Variants in TUBGCP3 observed in about 807,000 individuals in gnomAD.
TUBGCP3 encodes tubulin gamma complex component 3, also known as gamma-tubulin complex component 3.
A neutral mutation model predicts 123.1 loss-of-function variants in TUBGCP3; 50 were observed. The ratio of observed to expected loss-of-function variants is 0.41; its 90% CI spans 0.32 to 0.51. The LOEUF (loss-of-function observed/expected upper bound fraction) is 0.51. TUBGCP3 is among the 20% of genes least tolerant of loss of function. The pLI, the probability that TUBGCP3 is intolerant of heterozygous loss-of-function variation, is 0.36. For synonymous variants in TUBGCP3, 405 were observed against 413.9 expected (o/e 0.98, Z 0.26); for missense variants, 882 against 1,127.0 (o/e 0.78, Z 3.11).
intron 6 of TUBGCP3, among the ~76,000 whole-genome samples, chr13:112,555,307 G>T (rs1205398320): frequency 1.3e-5 from 2 of 152,154 alleles, no homozygotes; most frequent in East Asian, 1.9e-4. Flanking sequence ...GCAGATGGTG[G>T]AGACTACTGC....
At chr13:112,496,952 C>T (rs1216540659) in intron 20 of TUBGCP3, among the ~76,000 whole-genome samples, 1 of 149,878 alleles carries the variant, frequency 6.7e-6, no homozygotes, top group Non-Finnish European at 1.5e-5. Context: ...CGCCACTGCA[C>T]TCCAGCCTGG....
intron 19 of TUBGCP3, among the ~76,000 whole-genome samples, chr13:112,503,305 C>A (rs895350174): frequency 6.6e-6 from 1 of 152,190 alleles, no homozygotes; most frequent in African/African-American, 2.4e-5. Flanking sequence ...AGAACATGGA[C>A]CCTAAGGGAA....
At chr13:112,487,488 C>T (rs970532770) in intron 21 of TUBGCP3, among the ~76,000 whole-genome samples, 2 of 152,174 alleles carry the variant, frequency 1.3e-5, no homozygotes, top group African/African-American at 2.4e-5. Flanking sequence ...ACAAGAACAT[C>T]GTTGTCTCAG....
chr13:112,580,164 A>G (rs1882181356), intron 1 of TUBGCP3, among the ~76,000 whole-genome samples: 1 of 152,228 alleles, frequency 6.6e-6, no homozygotes, highest in South Asian at 2.1e-4. Context: ...GCCAGCACAA[A>G]GGCAAAATGG....
At chr13:112,582,536 G>C (rs1470105025) in intron 1 of TUBGCP3, among the ~76,000 whole-genome samples, 1 of 152,174 alleles carries the variant, frequency 6.6e-6, no homozygotes, top group Non-Finnish European at 1.5e-5. Context: ...CCAGAGAGGG[G>C]AACCCACAGG....
At chr13:112,490,204 CAAT>C (rs1026027374) in intron 20 of TUBGCP3, among the ~76,000 whole-genome samples, 1 of 152,178 alleles carries the variant, frequency 6.6e-6, no homozygotes, top group African/African-American at 2.4e-5. Flanking sequence ...CATTTTCAAT[CAAT>C]GATGAATTTG....
intron 21 of TUBGCP3, 69 bp downstream of exon 21, chr13:112,489,512 G>GA: frequency 8.8e-7 from 1 of 1,132,380 alleles, no homozygotes. Flanking sequence ...TCATCACTGT[G>GA]AAAGCAACTG....
At chr13:112,575,549 T>C (rs1011177698) in intron 1 of TUBGCP3, among the ~76,000 whole-genome samples, 1 of 152,090 alleles carries the variant, frequency 6.6e-6, no homozygotes, top group African/African-American at 2.4e-5. Flanking sequence ...AAAGGGCAAG[T>C]GAAGAGAAAA....
chr13:112,494,049 C>T (rs1018850262), intron 20 of TUBGCP3, among the ~76,000 whole-genome samples: 6 of 151,350 alleles, frequency 4.0e-5, no homozygotes, highest in Non-Finnish European at 8.8e-5. Context: ...GGGAATGGGG[C>T]CTGGTGTCCC....
At chr13:112,602,493 A>G in the TUBGCP3 span, among the ~76,000 whole-genome samples, 2 of 152,182 alleles carry the variant, frequency 1.3e-5, no homozygotes, top group African/African-American at 4.8e-5. Flanking sequence ...TTCCCTCGGC[A>G]CTGAGCATTG....
At chr13:112,594,255 A>G in the TUBGCP3 span, among the ~76,000 whole-genome samples, 2 of 152,278 alleles carry the variant, frequency 1.3e-5, no homozygotes, top group African/African-American at 4.8e-5. Flanking sequence ...TAACAAAGTG[A>G]TTGCAGATTA....
At chr13:112,514,979 A>C (rs7995624) in intron 17 of TUBGCP3, among the ~76,000 whole-genome samples, 3,899 of 152,276 alleles carry the variant, frequency 0.026, 197 homozygotes, top group African/African-American at 0.089. Flanking sequence ...TTCAATAGCG[A>C]GGGGGAAGGA....
chr13:112,557,545 C>T (rs1466068898), intron 5 of TUBGCP3, among the ~76,000 whole-genome samples: 1 of 152,154 alleles, frequency 6.6e-6, no homozygotes, highest in Non-Finnish European at 1.5e-5. Context: ...AAAAGCAAAG[C>T]CACCCGTTTA....
chr13:112,491,024 T>C (rs1880056924), intron 20 of TUBGCP3, among the ~76,000 whole-genome samples: 1 of 152,244 alleles, frequency 6.6e-6, no homozygotes, highest in Non-Finnish European at 1.5e-5. Context: ...TTGTTTTGTA[T>C]GTTTGTGCCT....
At chr13:112,521,808 C>T in intron 14 of TUBGCP3, 1 of 985,368 alleles carries the variant, frequency 1.0e-6, no homozygotes, top group Non-Finnish European at 1.2e-6. Flanking sequence ...TGTCTCTAGA[C>T]CTAGAAGCAC....
intron 14 of TUBGCP3, among the ~76,000 whole-genome samples, chr13:112,521,023 CA>C (rs1313914665): frequency 1.3e-5 from 2 of 152,186 alleles, no homozygotes; most frequent in African/African-American, 4.8e-5. Flanking sequence ...AGATTGGGCA[CA>C]AGGCGAATGC....
intron 13 of TUBGCP3, among the ~76,000 whole-genome samples, chr13:112,523,690 T>A (rs973005723): frequency 6.6e-6 from 1 of 152,214 alleles, no homozygotes; most frequent in Non-Finnish European, 1.5e-5. Flanking sequence ...AAGAGAAGGT[T>A]TGAATCAGTC....
chr13:112,563,664 C>A lies in TUBGCP3; in HGVS notation c.252+1447G>T, dbSNP rs1880701550. Among the ~76,000 whole-genome samples the A allele has an allele frequency of 2.0e-5, 3 of 150,738 alleles. No homozygotes were observed. The South Asian group carries it at 6.3e-4, about 32-fold the overall frequency. ...AGATCACGAAGTCAGGAGATCGAGACCATCCTGGCTAACACCGTGAAACCC... is the reference window on the plus strand; with the variant it reads ...AGATCACGAAGTCAGGAGATCGAGAACATCCTGGCTAACACCGTGAAACCC... On this transcript the variant is annotated intron_variant, in intron 3 of 21. Transcript: ENST00000261965.
chr13:112,517,260 G>T (rs994833074), intron 16 of TUBGCP3, among the ~76,000 whole-genome samples: 1 of 152,028 alleles, frequency 6.6e-6, no homozygotes, highest in African/African-American at 2.4e-5. Context: ...TCGAGTGATA[G>T]ATTTGCCTTT....
Sources: gnomAD v4.1 joint callset for allele counts (sites outside exome capture counted in the v4.1 genomes callset) on GRCh38, gnomAD v4.1.1 for gene constraint, MANE v1.5 for transcripts, NCBI Gene and HGNC (gene_info 2026-07-23, HGNC 2026-07-21) for gene names.